The following CTNNA3 variants were observed in gnomAD, a reference collection of about 807,000 sequenced individuals.
The protein encoded by CTNNA3 is catenin alpha 3.
CTNNA3 carries 76 observed loss-of-function variants against 95.7 expected under a neutral mutation model. The observed-to-expected ratio is 0.79, with a 90% CI of 0.66 to 0.96. The LOEUF (loss-of-function observed/expected upper bound fraction) is 0.96, where lower values mean the gene tolerates loss of function less well. Ranked by LOEUF, CTNNA3 falls within the 40% of genes least tolerant of loss-of-function variation. The pLI is 0.00. For synonymous variants in CTNNA3, 431 were observed against 374.4 expected (o/e 1.15, Z -1.74); for missense variants, 1,191 against 1,089.8 (o/e 1.09, Z -1.31).
chr10:67,214,981 T>C (rs917263279), intron 6 of CTNNA3, among the ~76,000 whole-genome samples: 1 of 152,038 alleles, frequency 6.6e-6, no homozygotes, highest in African/African-American at 2.4e-5. Context: ...GTGACTTCCA[T>C]CAGTTCTAGG....
At chr10:66,746,039 C>A (rs939439637) in intron 9 of CTNNA3, among the ~76,000 whole-genome samples, 1 of 152,150 alleles carries the variant, frequency 6.6e-6, no homozygotes, top group Non-Finnish European at 1.5e-5. Flanking sequence ...TAACCTTCCA[C>A]CAACTAACTA....
chr10:67,459,025 TAAG>T (rs1360796173), intron 5 of CTNNA3, among the ~76,000 whole-genome samples: 1 of 152,188 alleles, frequency 6.6e-6, no homozygotes, highest in Non-Finnish European at 1.5e-5. Flanking sequence ...ACAATAGTTT[TAAG>T]AAGGTGAAGC....
intron 7 of CTNNA3, among the ~76,000 whole-genome samples, chr10:67,081,562 T>C (rs554173457): frequency 1.9e-4 from 29 of 152,192 alleles, no homozygotes; most frequent in Non-Finnish European, 3.5e-4. Flanking sequence ...TCCAACCCTA[T>C]TGATAGTATC....
intron 8 of CTNNA3, among the ~76,000 whole-genome samples, chr10:66,773,074 T>G (rs541404129): frequency 1.3e-4 from 20 of 152,132 alleles, no homozygotes; most frequent in Non-Finnish European, 2.5e-4. Flanking sequence ...TAATTAACTG[T>G]GACTTCTACC....
At chr10:67,684,029 C>T (rs1023267795) in intron 1 of CTNNA3, among the ~76,000 whole-genome samples, 2 of 152,204 alleles carry the variant, frequency 1.3e-5, no homozygotes. Context: ...ACAAAGCTTC[C>T]ACAGCATGGA....
Position 65,955,924 on chromosome 10 carries a change from C to T in CTNNA3, c.2400+10688G>A, listed in dbSNP as rs1233661505. On this transcript the variant is annotated intron_variant, in intron 17 of 17. Coordinates refer to ENST00000433211, the MANE Select transcript of CTNNA3 (RefSeq NM_013266.4). ...TCATAAAATGAGTTAGGGAGGATTT[C>T]GTCTTTTTCCATTGATTGGAATAGT... Among the ~76,000 whole-genome samples, 11 of 152,102 alleles carry T rather than the reference C, an allele frequency of 7.2e-5. No individual in the cohort carries two copies. The East Asian group carries it at 7.7e-4, about 11-fold the overall frequency.
chr10:66,627,714 AT>A (rs1168453751), intron 9 of CTNNA3, among the ~76,000 whole-genome samples: 1 of 152,150 alleles, frequency 6.6e-6, no homozygotes, highest in Non-Finnish European at 1.5e-5. Context: ...TTAGGAACAA[AT>A]GTAAGGAAGG....
At chr10:66,897,548 A>G (rs1448952500) in intron 7 of CTNNA3, among the ~76,000 whole-genome samples, 1 of 152,192 alleles carries the variant, frequency 6.6e-6, no homozygotes, top group Non-Finnish European at 1.5e-5. Context: ...TTTAAAAGGC[A>G]AAAACCAATA....
At chr10:67,285,232 A>G (rs1193625009) in intron 5 of CTNNA3, among the ~76,000 whole-genome samples, 1 of 152,188 alleles carries the variant, frequency 6.6e-6, no homozygotes, top group Non-Finnish European at 1.5e-5. Flanking sequence ...AGAAGTCCCA[A>G]CTAATAACTA....
chr10:66,938,801 G>T, intron 7 of CTNNA3, among the ~76,000 whole-genome samples: 1 of 152,272 alleles, frequency 6.6e-6, no homozygotes, highest in East Asian at 1.9e-4. Context: ...ATATGTTAAA[G>T]GGAATAAGAG....
chr10:66,531,459 A>C (rs1314673944), intron 10 of CTNNA3, among the ~76,000 whole-genome samples: 1 of 152,150 alleles, frequency 6.6e-6, no homozygotes, highest in African/African-American at 2.4e-5. Flanking sequence ...GTGCAGCCCC[A>C]AAAATTCAAG....
At chr10:65,987,343 A>C (rs959681203) in intron 16 of CTNNA3, among the ~76,000 whole-genome samples, 3 of 151,916 alleles carry the variant, frequency 2.0e-5, no homozygotes, top group African/African-American at 4.8e-5. Flanking sequence ...CAGAAGAATA[A>C]AACAAATTTA....
chr10:67,663,776 C>T (rs1840259495), intron 1 of CTNNA3, among the ~76,000 whole-genome samples: 2 of 152,192 alleles, frequency 1.3e-5, no homozygotes, highest in South Asian at 2.1e-4. Flanking sequence ...GAAAATCCTT[C>T]GCAAATTTTA....
At chr10:65,942,949 A>C (rs1204274128) in intron 17 of CTNNA3, among the ~76,000 whole-genome samples, 1 of 152,254 alleles carries the variant, frequency 6.6e-6, no homozygotes, top group African/African-American at 2.4e-5. Flanking sequence ...TATAAAGATT[A>C]AATAAAGTAA....
At chr10:66,180,989 C>A (rs892472429) in intron 13 of CTNNA3, among the ~76,000 whole-genome samples, 1 of 151,994 alleles carries the variant, frequency 6.6e-6, no homozygotes. Context: ...CTAGGTCATC[C>A]AAATGGACCA....
chr10:66,068,813 C>T (rs2080368013), intron 15 of CTNNA3, among the ~76,000 whole-genome samples: 1 of 152,152 alleles, frequency 6.6e-6, no homozygotes, highest in Admixed American at 6.5e-5. Flanking sequence ...ATTACTTCTG[C>T]AATATGCCCA....
At chr10:66,439,731 A>C (rs868658581) in intron 11 of CTNNA3, among the ~76,000 whole-genome samples, 2 of 152,144 alleles carry the variant, frequency 1.3e-5, no homozygotes, top group Non-Finnish European at 2.9e-5. Context: ...AAAATCACAA[A>C]ATAGATTCAT....
At chr10:67,287,499 T>C (rs1839654113) in intron 5 of CTNNA3, among the ~76,000 whole-genome samples, 1 of 152,180 alleles carries the variant, frequency 6.6e-6, no homozygotes, top group Non-Finnish European at 1.5e-5. Flanking sequence ...CTGGAACTAT[T>C]GTGTATGTTC....
At chr10:66,131,294 T>C (rs1050803039) in intron 13 of CTNNA3, among the ~76,000 whole-genome samples, 1 of 152,100 alleles carries the variant, frequency 6.6e-6, no homozygotes, top group South Asian at 2.1e-4. Context: ...ATATCCTTCA[T>C]AAGCATTGAT....
Sources: allele counts gnomAD v4.1 joint callset (sites outside exome capture counted in the v4.1 genomes callset), GRCh38; gene constraint gnomAD v4.1.1; transcripts MANE v1.5; gene names NCBI Gene and HGNC (gene_info 2026-07-23, HGNC 2026-07-21).